Variants in GLYATL2 observed in about 807,000 individuals in gnomAD.
GLYATL2 encodes glycine N-acyltransferase-like protein 2.
GLYATL2 carries 25 observed loss-of-function variants against 21.4 expected under a neutral mutation model. That is an observed-to-expected ratio of 1.17 (90% CI 0.85 to 1.63). The LOEUF is 1.63. GLYATL2 is among the 40% of genes most tolerant of loss of function. GLYATL2 has a pLI of 0.00. For missense variants in GLYATL2, 361 were observed against 343.3 expected, an observed-to-expected ratio of 1.05 and a Z score of -0.41; for synonymous variants, 114 against 118.2, an observed-to-expected ratio of 0.96 and a Z score of 0.23.
At chr11:58,843,197 A>G (rs555955625) in intron 1 of GLYATL2, among the ~76,000 whole-genome samples, 4 of 152,314 alleles carry the variant, frequency 2.6e-5, no homozygotes, top group Admixed American at 6.5e-5. Context: ...TTGGCAAGTT[A>G]TTTTTGAATG....
chr11:58,874,684 T>A (rs1854192897), intron 1 of GLYATL2, among the ~76,000 whole-genome samples: 2 of 152,250 alleles, frequency 1.3e-5, no homozygotes, highest in South Asian at 4.1e-4. Context: ...TCTTTTACAT[T>A]TGCTGAGGAG....
intron 1 of GLYATL2, among the ~76,000 whole-genome samples, chr11:58,873,922 T>G (rs915421574): frequency 6.6e-6 from 1 of 152,102 alleles, no homozygotes; most frequent in Non-Finnish European, 1.5e-5. Context: ...GTCCTGGACT[T>G]TTTTTGGTTG....
In GLYATL2 at chr11:58,894,705, TA is replaced by T. The variant is rs369776305; in HGVS notation, n.60+9450del. ...AGGAATTGTGTAGGTCATGGAGCTTTAAAAAAAACTCCAATTCATCTTAGAA... is the reference window on the plus strand; with the variant it reads ...AGGAATTGTGTAGGTCATGGAGCTTTAAAAAAACTCCAATTCATCTTAGAA... On this transcript the variant is annotated intron_variant and non_coding_transcript_variant, in intron 1 of 4. Coordinates refer to the GLYATL2 transcript ENST00000533636. Among the ~76,000 whole-genome samples, 359 of 151,952 alleles carry T rather than the reference TA, an allele frequency of 2.4e-3. 4 individuals carry two copies. The highest frequency in any genetic ancestry group is 7.2e-3 in the African/African-American group (298 of 41,448).
At chr11:58,873,951 C>A (rs938715773) in intron 1 of GLYATL2, among the ~76,000 whole-genome samples, 4 of 152,094 alleles carry the variant, frequency 2.6e-5, no homozygotes, top group African/African-American at 9.7e-5. Context: ...TTAATTATTG[C>A]CTCAATTTCA....
At chr11:58,899,627 A>T (rs1854699614) in intron 1 of GLYATL2, among the ~76,000 whole-genome samples, 1 of 152,092 alleles carries the variant, frequency 6.6e-6, no homozygotes, top group Non-Finnish European at 1.5e-5. Flanking sequence ...AGCTGCAGAA[A>T]GAAGGAACAG....
At chr11:58,867,929 G>T (rs1457016912) in intron 1 of GLYATL2, among the ~76,000 whole-genome samples, 1 of 148,880 alleles carries the variant, frequency 6.7e-6, no homozygotes, top group Non-Finnish European at 1.5e-5. Flanking sequence ...CCTAGTTCCA[G>T]CCTTACCCCA....
chr11:58,859,055 G>C (rs1163688405), intron 1 of GLYATL2, among the ~76,000 whole-genome samples: 2 of 152,160 alleles, frequency 1.3e-5, no homozygotes, highest in Non-Finnish European at 2.9e-5. Flanking sequence ...TTCCTGTGTA[G>C]GGGTGGAAGT....
chr11:58,849,099 T>C (rs1853693520), upstream of GLYATL2, among the ~76,000 whole-genome samples: 1 of 152,158 alleles, frequency 6.6e-6, no homozygotes, highest in South Asian at 2.1e-4. Flanking sequence ...ACAAAAATAT[T>C]CTTCAAAAAT....
intron 1 of GLYATL2, among the ~76,000 whole-genome samples, chr11:58,851,353 A>G (rs1482759228): frequency 1.3e-5 from 2 of 152,094 alleles, no homozygotes; most frequent in Non-Finnish European, 2.9e-5. Context: ...GATTATATGG[A>G]TTTTATCTTT....
At position 58,863,764 on chromosome 11, in the gene GLYATL2, C is replaced by T. The variant is rs1353698817; in HGVS notation, n.61-25396G>A. Reference sequence around the variant, plus strand: ...TGGAGACTAGGTCCACAAAGGCTTGCCTGGGTCCTAGGACTGTAGGAACTG... The same window carrying T: ...TGGAGACTAGGTCCACAAAGGCTTGTCTGGGTCCTAGGACTGTAGGAACTG... On this transcript the variant is annotated intron_variant and non_coding_transcript_variant, in intron 1 of 4. Transcript: ENST00000533636. Among the ~76,000 whole-genome samples, 7 of 152,186 alleles carry T rather than the reference C, an allele frequency of 4.6e-5. No individual in the cohort carries two copies. The East Asian group carries it at 1.4e-3, about 30-fold the overall frequency.
At chr11:58,866,414 T>G (rs1184207572) in intron 1 of GLYATL2, among the ~76,000 whole-genome samples, 1 of 148,854 alleles carries the variant, frequency 6.7e-6, no homozygotes, top group African/African-American at 2.4e-5. Context: ...GCCACCATCA[T>G]TTCAAGGTCT....
upstream of GLYATL2, chr11:58,907,395 G>A (rs1360319403): frequency 2.2e-6 from 1 of 456,262 alleles, no homozygotes; most frequent in South Asian, 1.5e-5. Flanking sequence ...GTGGAATTTA[G>A]GACGCATCTC....
intron 1 of GLYATL2, among the ~76,000 whole-genome samples, chr11:58,899,378 C>T (rs924662456): frequency 6.6e-6 from 1 of 152,026 alleles, no homozygotes; most frequent in Non-Finnish European, 1.5e-5. Flanking sequence ...AGCTTACATT[C>T]TGGAGCAGGG....
intron 1 of GLYATL2, among the ~76,000 whole-genome samples, chr11:58,844,087 G>A (rs574394314): frequency 7.2e-5 from 11 of 151,972 alleles, no homozygotes; most frequent in African/African-American, 2.6e-4. Context: ...CAGGATTGGA[G>A]GCAAGGAGAA....
At position 58,834,341 on chromosome 11, in the gene GLYATL2, A is replaced by G. The variant is rs116898071; in HGVS notation, c.*88T>C. On this transcript the variant is annotated 3_prime_UTR_variant, in exon 6 of 6. Coordinates refer to ENST00000287275, the MANE Select transcript of GLYATL2 (RefSeq NM_145016.4). Reference sequence around the variant, plus strand: ...ACACAGATCCTAGATAATCAGTTGCATTTTGTGCTAATGTAGATCACAATG... The same window carrying G: ...ACACAGATCCTAGATAATCAGTTGCGTTTTGTGCTAATGTAGATCACAATG... 13,589 of 1,069,814 alleles carry G rather than the reference A, an allele frequency of 0.013. 97 individuals are homozygous for G. Among genetic ancestry groups the G allele is most frequent in the Non-Finnish European group, 0.016 (11,801 of 745,970 alleles). The allele number at this position is 1,069,814 out of a possible 1,614,324, so 66.3% of individuals were successfully genotyped here.
Position 58,834,472 on chromosome 11 carries a change from C to T in GLYATL2, c.842G>A (p.Cys281Tyr), listed in dbSNP as rs1853388864. 1 of 1,608,222 alleles carries T rather than the reference C, an allele frequency of 6.2e-7. No individual in the cohort carries two copies. Among genetic ancestry groups the T allele is most frequent in the Non-Finnish European group, 8.5e-7 (1 of 1,177,284 alleles). ...LNNLGFKICP[C>Y]GWHQWKCTPK... is the part of the protein sequence containing the mutation. ...GGTGCATTTCCACTGATGCCAGCCA[C>T]AAGGACAAATCTTAAACCCCAAATT... The change falls in exon 6 of 6, where the codon TGT becomes TAT. Residue 281 changes from cysteine (C) to tyrosine (Y), a missense_variant. Cys to Tyr is a radical substitution (Grantham distance 194). Coordinates refer to ENST00000287275, the MANE Select transcript of GLYATL2 (RefSeq NM_145016.4).
At chr11:58,895,782 C>A (rs1279391793) in intron 1 of GLYATL2, among the ~76,000 whole-genome samples, 1 of 151,680 alleles carries the variant, frequency 6.6e-6, no homozygotes, top group Non-Finnish European at 1.5e-5. Flanking sequence ...CAAAAGCTTG[C>A]ATAAGTAAAT....
At chr11:58,886,831 C>T (rs1260862817) in intron 1 of GLYATL2, among the ~76,000 whole-genome samples, 2 of 152,076 alleles carry the variant, frequency 1.3e-5, no homozygotes, top group African/African-American at 4.8e-5. Flanking sequence ...AATAAGCCAC[C>T]CCAGGTCAAG....
Position 58,837,275 on chromosome 11 carries a change from G to A in GLYATL2, c.309C>T (p.Ile103=). Reference sequence around the variant, plus strand: ...CTTTTAACTCAGACTAGTTACCTTGGATCTGCAAAGTTTGCTCCCAGCTGA... The same window carrying A: ...CTTTTAACTCAGACTAGTTACCTTGAATCTGCAAAGTTTGCTCCCAGCTGA... ...NVISWEQTLQ[I]QGCQEGLDEA... The change falls in exon 4 of 6, where the codon ATC becomes ATT. Residue 103 remains isoleucine, a synonymous_variant. Transcript: ENST00000287275. 1 of 1,613,752 alleles carries A rather than the reference G, an allele frequency of 6.2e-7. No homozygotes were observed. The highest frequency in any genetic ancestry group is 8.5e-7 in the Non-Finnish European group (1 of 1,179,828).
Sources: allele counts gnomAD v4.1 joint callset (sites outside exome capture counted in the v4.1 genomes callset), GRCh38; gene constraint gnomAD v4.1.1; transcripts MANE v1.5; gene names NCBI Gene and HGNC (gene_info 2026-07-23, HGNC 2026-07-21).